The following PDE3A variants were observed in gnomAD, a reference collection of about 807,000 sequenced individuals.
PDE3A encodes the protein phosphodiesterase 3A.
Under a neutral mutation model 98.3 loss-of-function variants are expected in PDE3A, and 43 were observed. That is an observed-to-expected ratio of 0.44 (90% CI 0.34 to 0.56). The LOEUF is 0.56. Among genes scored for constraint, PDE3A ranks in the 20% least tolerant of loss-of-function variants. PDE3A has a pLI of 0.01. For synonymous variants in PDE3A, 663 were observed against 567.9 expected, an observed-to-expected ratio of 1.17 and a Z score of -2.38; for missense variants, 1,427 against 1,440.7, an observed-to-expected ratio of 0.99 and a Z score of 0.15.
intron 1 of PDE3A, among the ~76,000 whole-genome samples, chr12:20,391,440 C>T (rs1222778854): frequency 6.7e-6 from 1 of 148,602 alleles, no homozygotes; most frequent in Non-Finnish European, 1.5e-5. Flanking sequence ...AATTCCGGAC[C>T]GTTGACTCTG....
intron 3 of PDE3A, 100 bp downstream of exon 3, chr12:20,613,800 T>C: frequency 1.2e-6 from 1 of 814,912 alleles, no homozygotes; most frequent in Non-Finnish European, 2.0e-6. Context: ...CAGATTCATA[T>C]CAGTGACTCA....
At chr12:20,522,073 A>T (rs1419561779) in intron 1 of PDE3A, among the ~76,000 whole-genome samples, 1 of 152,092 alleles carries the variant, frequency 6.6e-6, no homozygotes. Flanking sequence ...CAGACAAAGA[A>T]CAAATCTTCG....
rs75570892 is a variant in PDE3A at position 20,676,989 on chromosome 12, C to T, written c.3185-3041C>T. On this transcript the variant is annotated intron_variant, in intron 15 of 15. Transcript: ENST00000359062. ...TATTTTCTTTTCACCTTCTGGGACA[C>T]TGAAAATTCAAATATGTCATGCAAG... 9.0e-3 allele frequency among the ~76,000 whole-genome samples: 1,377 copies of T among 152,222 alleles called. 23 individuals carry two copies. The highest frequency in any genetic ancestry group is 0.03 in the African/African-American group (1,258 of 41,524).
intron 1 of PDE3A, among the ~76,000 whole-genome samples, chr12:20,472,948 G>A (rs1447940593): frequency 2.0e-5 from 3 of 151,880 alleles, no homozygotes; most frequent in East Asian, 3.9e-4. Flanking sequence ...AAATCTGTTT[G>A]AATTAACATA....
intron 2 of PDE3A, among the ~76,000 whole-genome samples, chr12:20,579,820 G>A (rs1045141994): frequency 3.9e-5 from 6 of 152,122 alleles, no homozygotes; most frequent in Admixed American, 3.9e-4. Flanking sequence ...AGGTTCTTAG[G>A]CTCAATCAAA....
At position 20,659,530 on chromosome 12, in the gene PDE3A, C is replaced by T. The variant is rs531293484; in HGVS notation, c.3184+5325C>T. 5.3e-5 allele frequency among the ~76,000 whole-genome samples: 8 copies of T among 152,076 alleles called. No homozygotes were observed. The East Asian group carries it at 1.6e-3, about 30-fold the overall frequency. On this transcript the variant is annotated intron_variant, in intron 15 of 15. Coordinates refer to ENST00000359062, the MANE Select transcript of PDE3A (RefSeq NM_000921.5). ...TACTTCATTAAATAGACCCAAATAT[C>T]CCTTTTGATCTTCCTGCTAACTTGT...
At chr12:20,400,785 C>T (rs1330724809) in intron 1 of PDE3A, among the ~76,000 whole-genome samples, 3 of 152,032 alleles carry the variant, frequency 2.0e-5, no homozygotes, top group South Asian at 2.1e-4. Context: ...TGCTAATTTT[C>T]GCCCAGTATG....
intron 15 of PDE3A, among the ~76,000 whole-genome samples, chr12:20,674,788 A>C (rs1945591141): frequency 6.6e-6 from 1 of 151,990 alleles, no homozygotes; most frequent in Non-Finnish European, 1.5e-5. Flanking sequence ...TATCAGTTAT[A>C]ATGTCTCCTT....
At chr12:20,376,126 A>T (rs746723687) in intron 1 of PDE3A, among the ~76,000 whole-genome samples, 21 of 151,926 alleles carry the variant, frequency 1.4e-4, no homozygotes, top group Admixed American at 1.2e-3. Context: ...AAAATAGTAC[A>T]CTGATTGATT....
chr12:20,647,536 C>T (rs11045365), intron 12 of PDE3A, among the ~76,000 whole-genome samples: 33,485 of 151,704 alleles, frequency 0.22, 3,829 homozygotes, highest in Middle Eastern at 0.26. Context: ...GTAGACATAC[C>T]CATTTATACA....
At chr12:20,611,755 A>G (rs1943860594) in intron 2 of PDE3A, among the ~76,000 whole-genome samples, 1 of 151,818 alleles carries the variant, frequency 6.6e-6, no homozygotes. Flanking sequence ...TATTTTTCTA[A>G]TTACAAGAAT....
At chr12:20,418,510 G>A (rs74546467) in intron 1 of PDE3A, among the ~76,000 whole-genome samples, 6,696 of 152,118 alleles carry the variant, frequency 0.044, 207 homozygotes, top group Non-Finnish European at 0.062. Context: ...TTCCTCAGCC[G>A]TTTCATTTAA....
At chr12:20,465,319 A>G (rs941434518) in intron 1 of PDE3A, among the ~76,000 whole-genome samples, 2 of 152,208 alleles carry the variant, frequency 1.3e-5, no homozygotes, top group African/African-American at 4.8e-5. Flanking sequence ...CTCTGATGGT[A>G]AAATTTTCTA....
At chr12:20,440,064 A>C (rs561426315) in intron 1 of PDE3A, among the ~76,000 whole-genome samples, 1 of 152,300 alleles carries the variant, frequency 6.6e-6, no homozygotes, top group South Asian at 2.1e-4. Context: ...AATGATGAGA[A>C]TTTAAAAGTC....
At chr12:20,529,717 A>T (rs570018013) in intron 1 of PDE3A, among the ~76,000 whole-genome samples, 1 of 152,124 alleles carries the variant, frequency 6.6e-6, no homozygotes, top group Admixed American at 6.5e-5. Flanking sequence ...AGGCCTGTTG[A>T]CATCTAGATT....
chr12:20,649,013 C>T, intron 13 of PDE3A, 122 bp downstream of exon 13: 1 of 634,134 alleles, frequency 1.6e-6, no homozygotes, highest in Non-Finnish European at 2.7e-6. Flanking sequence ...GCAGCCTCTG[C>T]CTCCTGGGTT....
intron 1 of PDE3A, among the ~76,000 whole-genome samples, chr12:20,394,495 T>C (rs2120624993): frequency 6.6e-6 from 1 of 152,154 alleles, no homozygotes; most frequent in South Asian, 2.1e-4. Context: ...AACATTGTGA[T>C]GAAATGGACT....
chr12:20,468,350 G>C (rs1039958071), intron 1 of PDE3A, among the ~76,000 whole-genome samples: 14 of 152,084 alleles, frequency 9.2e-5, no homozygotes, highest in African/African-American at 3.4e-4. Context: ...GTCTGTACTT[G>C]CCTGTGATCT....
chr12:20,542,223 C>G (rs10841561), intron 1 of PDE3A, among the ~76,000 whole-genome samples: 71,716 of 151,736 alleles, frequency 0.47, 17,722 homozygotes, highest in African/African-American at 0.61. Flanking sequence ...TTTGGAAAAA[C>G]GTAACTTTCA....
Sources: gnomAD v4.1 joint callset for allele counts (sites outside exome capture counted in the v4.1 genomes callset) on GRCh38, gnomAD v4.1.1 for gene constraint, MANE v1.5 for transcripts, NCBI Gene and HGNC (gene_info 2026-07-23, HGNC 2026-07-21) for gene names.